Variants in CAMTA1 observed in about 807,000 individuals in gnomAD.
The protein encoded by CAMTA1 is calmodulin binding transcription activator 1.
In CAMTA1, 27 loss-of-function variants were observed where a neutral mutation model predicts 170.9. The observed-to-expected ratio is 0.16, with a 90% CI of 0.12 to 0.22. CAMTA1 has a LOEUF of 0.22. Among genes scored for constraint, CAMTA1 ranks in the 10% least tolerant of loss-of-function variants. The pLI, the probability that CAMTA1 is intolerant of heterozygous loss-of-function variation, is 1.00. For missense variants in CAMTA1, 1,619 were observed against 2,217.2 expected (o/e 0.73, Z 5.42); for synonymous variants, 833 against 891.5 (o/e 0.93, Z 1.17).
In CAMTA1 at chr1:7,769,170, C is replaced by T. The variant is rs2097041196; in HGVS notation, c.*2679C>T. On this transcript the variant is annotated 3_prime_UTR_variant, in exon 23 of 23. Transcript: ENST00000303635. Reference sequence around the variant, plus strand: ...GTACAACTGTGAATCCTAGGCGAGGCAAAAATGCACTTCCACTGAAACGAA... The same window carrying T: ...GTACAACTGTGAATCCTAGGCGAGGTAAAAATGCACTTCCACTGAAACGAA... 6.6e-6 allele frequency: 1 copy of T among 152,630 alleles called. No individual in the cohort carries two copies. The highest frequency in any genetic ancestry group is 1.5e-5 in the Non-Finnish European group (1 of 67,986). 9.5% of individuals were successfully genotyped at this position (152,630 alleles called of 1,614,324 possible). A position where few individuals can be genotyped will look rare whatever the true frequency, so the allele number is the denominator to read the frequency against.
chr1:7,595,500 G>A (rs1317880790), intron 6 of CAMTA1, among the ~76,000 whole-genome samples: 4 of 152,148 alleles, frequency 2.6e-5, no homozygotes, highest in Admixed American at 6.5e-5. Context: ...GTTTCCTCCC[G>A]CGGCTCTGCT....
At chr1:7,409,972 CG>C (rs1224363825) in intron 5 of CAMTA1, among the ~76,000 whole-genome samples, 2 of 152,046 alleles carry the variant, frequency 1.3e-5, no homozygotes, top group Non-Finnish European at 2.9e-5. Context: ...AGGAAGGAGC[CG>C]GGTACCCTCA....
chr1:6,840,122 C>A (rs1296515535), intron 3 of CAMTA1, among the ~76,000 whole-genome samples: 1 of 152,114 alleles, frequency 6.6e-6, no homozygotes, highest in African/African-American at 2.4e-5. Flanking sequence ...TTGCTTGAAC[C>A]TGGGAGGCAG....
chr1:7,338,775 A>G (rs72863583), intron 5 of CAMTA1, among the ~76,000 whole-genome samples: 22,547 of 152,242 alleles, frequency 0.15, 2,110 homozygotes, highest in African/African-American at 0.27. Context: ...GGTGGTTAAA[A>G]TGGTGAATTT....
At chr1:7,199,470 G>A (rs190560411) in intron 4 of CAMTA1, among the ~76,000 whole-genome samples, 1 of 152,198 alleles carries the variant, frequency 6.6e-6, no homozygotes, top group Non-Finnish European at 1.5e-5. Flanking sequence ...ACGGGCACCC[G>A]ACCCTAGGGC....
intron 19 of CAMTA1, among the ~76,000 whole-genome samples, chr1:7,749,961 T>C (rs1055028303): frequency 6.6e-6 from 1 of 152,206 alleles, no homozygotes; most frequent in Non-Finnish European, 1.5e-5. Flanking sequence ...ACCACGTGGT[T>C]ATTCAGCTGG....
chr1:7,555,030 C>T (rs2094857591), intron 6 of CAMTA1, among the ~76,000 whole-genome samples: 1 of 152,080 alleles, frequency 6.6e-6, no homozygotes, highest in African/African-American at 2.4e-5. Flanking sequence ...TGGCACCTCC[C>T]AGTAAACTGT....
intron 5 of CAMTA1, among the ~76,000 whole-genome samples, chr1:7,330,461 C>A (rs75607501): frequency 0.014 from 2,104 of 152,250 alleles, 27 homozygotes; most frequent in Middle Eastern, 0.027. Flanking sequence ...GGAGTGTACG[C>A]CCCCTTCTGA....
At chr1:6,919,382 A>G (rs1310167994) in intron 3 of CAMTA1, among the ~76,000 whole-genome samples, 1 of 152,206 alleles carries the variant, frequency 6.6e-6, no homozygotes, top group Non-Finnish European at 1.5e-5. Context: ...GGCTGTGTTA[A>G]GGGTGTGCGA....
At chr1:7,233,522 A>T (rs1411453348) in intron 4 of CAMTA1, among the ~76,000 whole-genome samples, 1 of 152,230 alleles carries the variant, frequency 6.6e-6, no homozygotes, top group African/African-American at 2.4e-5. Flanking sequence ...CTTTCAGCGT[A>T]ATAAGTGAAG....
At chr1:6,929,509 G>A (rs970722466) in intron 3 of CAMTA1, among the ~76,000 whole-genome samples, 63 of 152,228 alleles carry the variant, frequency 4.1e-4, no homozygotes, top group African/African-American at 1.5e-3. Context: ...GACTACAGGC[G>A]CCCGCCACCA....
In CAMTA1 at chr1:6,953,976, C is replaced by T. The variant is rs563829380; in HGVS notation, c.234+128766C>T. Among the ~76,000 whole-genome samples, 3 of 152,224 alleles carry T rather than the reference C, an allele frequency of 2.0e-5. No individual in the cohort carries two copies. In the East Asian group the frequency reaches 5.8e-4, roughly 29 times the overall value. On this transcript the variant is annotated intron_variant, in intron 3 of 22. Transcript: ENST00000303635. ...CTTCTGAGTGCTGCTGACCTGAGGG[C>T]GGCACTCGAGGGCTTGGGTCCTTGG...
chr1:7,141,828 AC>A (rs1477132826), intron 4 of CAMTA1, among the ~76,000 whole-genome samples: 2 of 152,100 alleles, frequency 1.3e-5, no homozygotes, highest in Non-Finnish European at 2.9e-5. Context: ...TGGTTACATG[AC>A]TCCGAAGGCC....
chr1:6,847,484 G>C (rs1034091729), intron 3 of CAMTA1, among the ~76,000 whole-genome samples: 1 of 151,910 alleles, frequency 6.6e-6, no homozygotes, highest in Admixed American at 6.6e-5. Context: ...ATGAGTTAAG[G>C]TTAGAGAGTA....
intron 3 of CAMTA1, among the ~76,000 whole-genome samples, chr1:6,868,436 ACT>A (rs1245389006): frequency 1.3e-5 from 2 of 151,422 alleles, no homozygotes; most frequent in Non-Finnish European, 2.9e-5. Flanking sequence ...AGCTTCTATG[ACT>A]CTGCATTTTC....
intron 4 of CAMTA1, among the ~76,000 whole-genome samples, chr1:7,226,692 C>T (rs189363831): frequency 1.6e-4 from 25 of 152,208 alleles, no homozygotes; most frequent in African/African-American, 6.0e-4. Context: ...ACCATGCATT[C>T]CATTTTGCAA....
intron 5 of CAMTA1, among the ~76,000 whole-genome samples, chr1:7,442,575 G>A (rs777130529): frequency 2.6e-5 from 4 of 152,076 alleles, no homozygotes; most frequent in Middle Eastern, 6.3e-3. Flanking sequence ...AGTGGCACAC[G>A]GGTTGAGAAT....
intron 4 of CAMTA1, among the ~76,000 whole-genome samples, chr1:7,190,335 T>C (rs920226386): frequency 2.0e-5 from 3 of 152,178 alleles, no homozygotes; most frequent in Non-Finnish European, 4.4e-5. Context: ...AAACTACACA[T>C]ATGAATAGAT....
At chr1:7,284,536 A>G (rs915248479) in intron 5 of CAMTA1, among the ~76,000 whole-genome samples, 1 of 152,160 alleles carries the variant, frequency 6.6e-6, no homozygotes, top group African/African-American at 2.4e-5. Context: ...TATCTGTAAA[A>G]TAGAGACTGT....
Sources: allele counts gnomAD v4.1 joint callset (sites outside exome capture counted in the v4.1 genomes callset), GRCh38; gene constraint gnomAD v4.1.1; transcripts MANE v1.5; gene names NCBI Gene and HGNC (gene_info 2026-07-23, HGNC 2026-07-21).